The following CAST variants were observed in gnomAD, a reference collection of about 807,000 sequenced individuals.
CAST encodes the protein calpastatin, also known as MIR583 host.
CAST carries 76 observed loss-of-function variants against 119.6 expected under a neutral mutation model. The ratio of observed to expected loss-of-function variants is 0.64; its 90% CI spans 0.53 to 0.77. The LOEUF is 0.77. CAST is among the 30% of genes least tolerant of loss of function. The pLI, the probability that CAST is intolerant of heterozygous loss-of-function variation, is 0.00. For synonymous variants in CAST, 319 were observed against 331.6 expected (o/e 0.96, Z 0.41); for missense variants, 953 against 946.5 (o/e 1.01, Z -0.09).
the CAST span, among the ~76,000 whole-genome samples, chr5:96,116,151 A>C: frequency 1.3e-5 from 2 of 151,824 alleles, no homozygotes; most frequent in Non-Finnish European, 2.9e-5. Flanking sequence ...GCTTTCTGTC[A>C]CTCTAGTTTT....
the CAST span, among the ~76,000 whole-genome samples, chr5:95,997,875 T>G: frequency 6.6e-6 from 1 of 151,708 alleles, no homozygotes; most frequent in South Asian, 2.1e-4. Flanking sequence ...ATGCGAATGA[T>G]CTGCTGTCAA....
chr5:96,466,574 G>GTT, the CAST span, among the ~76,000 whole-genome samples: 306 of 150,774 alleles, frequency 2.0e-3, 6 homozygotes, highest in East Asian at 0.042. Flanking sequence ...TTTGTGTGGG[G>GTT]TTTTTTTTTC....
chr5:95,974,819 A>G, the CAST span, among the ~76,000 whole-genome samples: 1 of 152,246 alleles, frequency 6.6e-6, no homozygotes, highest in African/African-American at 2.4e-5. Context: ...TGTAAATATA[A>G]TGAAAGAACA....
At chr5:96,246,307 C>T in the CAST span, among the ~76,000 whole-genome samples, 3 of 151,224 alleles carry the variant, frequency 2.0e-5, no homozygotes, top group East Asian at 3.9e-4. Context: ...CTCAGCCTCC[C>T]GAGTAGCTGG....
chr5:96,035,071 A>ATATATATATATATATTTAAG, the CAST span, among the ~76,000 whole-genome samples: 141 of 16,522 alleles, frequency 8.5e-3, 1 homozygote, highest in East Asian at 0.062. Flanking sequence ...ATATTTAAGT[A>ATATATATATATATATTTAAG]TATATATATA....
At chr5:96,057,083 A>G in the CAST span, among the ~76,000 whole-genome samples, 2 of 152,216 alleles carry the variant, frequency 1.3e-5, no homozygotes, top group Non-Finnish European at 2.9e-5. Context: ...GGAAGATGGA[A>G]GTGAACTATA....
chr5:96,473,257 G>T, the CAST span, among the ~76,000 whole-genome samples: 1 of 152,192 alleles, frequency 6.6e-6, no homozygotes, highest in African/African-American at 2.4e-5. Context: ...TGACAATACA[G>T]ATGAGTAAAC....
the CAST span, among the ~76,000 whole-genome samples, chr5:96,068,628 TATA>T: frequency 6.6e-6 from 1 of 150,800 alleles, no homozygotes; most frequent in African/African-American, 2.4e-5. Context: ...TGTGTGTGTG[TATA>T]ATATGTGTAT....
chr5:96,067,826 G>GA, the CAST span, among the ~76,000 whole-genome samples: 1 of 151,554 alleles, frequency 6.6e-6, no homozygotes, highest in South Asian at 2.1e-4. Flanking sequence ...ACTGGGAGGG[G>GA]AAAAACAGCA....
chr5:96,193,062 T>G, the CAST span, among the ~76,000 whole-genome samples: 3 of 152,334 alleles, frequency 2.0e-5, no homozygotes, highest in African/African-American at 7.2e-5. Flanking sequence ...AAATAAAAAT[T>G]AATACATGCG....
chr5:96,018,569 T>C, the CAST span, among the ~76,000 whole-genome samples: 1 of 152,218 alleles, frequency 6.6e-6, no homozygotes, highest in Non-Finnish European at 1.5e-5. Flanking sequence ...AAACATTTAT[T>C]TGCTAACCCT....
the CAST span, among the ~76,000 whole-genome samples, chr5:95,963,131 G>A: frequency 6.6e-6 from 1 of 152,092 alleles, no homozygotes; most frequent in African/African-American, 2.4e-5. Context: ...GTTTAAAAAA[G>A]TTCTTTTAAT....
the CAST span, among the ~76,000 whole-genome samples, chr5:96,084,473 CCTT>C: frequency 1.3e-5 from 2 of 152,208 alleles, no homozygotes; most frequent in Non-Finnish European, 2.9e-5. Context: ...CAGAGTTACT[CCTT>C]CTTGTTAGGC....
the CAST span, among the ~76,000 whole-genome samples, chr5:96,352,999 C>G: frequency 6.7e-4 from 102 of 152,196 alleles, 2 homozygotes; most frequent in East Asian, 0.018. Flanking sequence ...TATAAATTAC[C>G]CAGTCTCAGG....
chr5:96,507,088 G>A, the CAST span, among the ~76,000 whole-genome samples: 35,914 of 151,978 alleles, frequency 0.24, 4,438 homozygotes, highest in Admixed American at 0.32. Flanking sequence ...GAGGGGATGA[G>A]AAACCAGAGC....
At chr5:96,157,673 A>T in the CAST span, among the ~76,000 whole-genome samples, 1 of 152,078 alleles carries the variant, frequency 6.6e-6, no homozygotes, top group South Asian at 2.1e-4. Context: ...GAGTTCAATA[A>T]TTTTTAGCCC....
chr5:96,357,629 A>G, the CAST span, among the ~76,000 whole-genome samples: 2 of 152,184 alleles, frequency 1.3e-5, no homozygotes, highest in Non-Finnish European at 2.9e-5. Context: ...GTGATGGATT[A>G]CATGTATTGA....
At chr5:96,415,828 A>G in the CAST span, among the ~76,000 whole-genome samples, 1 of 151,904 alleles carries the variant, frequency 6.6e-6, no homozygotes, top group Non-Finnish European at 1.5e-5. Flanking sequence ...GCAAAGATGT[A>G]TAGGCTATAT....
the CAST span, among the ~76,000 whole-genome samples, chr5:96,135,924 A>G: frequency 2.0e-5 from 3 of 152,028 alleles, no homozygotes; most frequent in Admixed American, 6.6e-5. Flanking sequence ...ACCTGAGCGT[A>G]GTGGCACACA....
Sources: allele counts gnomAD v4.1 joint callset (sites outside exome capture counted in the v4.1 genomes callset), GRCh38; gene constraint gnomAD v4.1.1; transcripts MANE v1.5; gene names NCBI Gene and HGNC (gene_info 2026-07-23, HGNC 2026-07-21).